CROCC: variants seen among roughly 807,000 people sequenced by gnomAD.
The protein encoded by CROCC is rootletin.
CROCC carries 180 observed loss-of-function variants against 245.2 expected under a neutral mutation model. The observed-to-expected ratio is 0.73, with a 90% CI of 0.65 to 0.83. The LOEUF (loss-of-function observed/expected upper bound fraction) is 0.83, where lower values mean the gene tolerates loss of function less well. CROCC is among the 40% of genes least tolerant of loss of function. The pLI, the probability that CROCC is intolerant of heterozygous loss-of-function variation, is 0.00. For synonymous variants in CROCC, 1,205 were observed against 1,241.6 expected, an observed-to-expected ratio of 0.97 and a Z score of 0.62; for missense variants, 2,688 against 2,779.4, an observed-to-expected ratio of 0.97 and a Z score of 0.74.
In CROCC at chr1:16,961,015, G is replaced by A. The variant is rs983050397; in HGVS notation, c.4290G>A (p.Glu1430=). 3.1e-6 allele frequency: 4 copies of A among 1,303,698 alleles called. No individual in the cohort carries two copies. Among genetic ancestry groups the A allele is most frequent in the African/African-American group, 3.1e-5 (2 of 64,444 alleles). The allele number at this position is 1,303,698 out of a possible 1,614,324, so 80.8% of individuals were successfully genotyped here. The change falls in exon 27 of 37, where the codon GAG becomes GAA. Residue 1430 remains glutamate, a synonymous_variant. Coordinates refer to ENST00000375541, the MANE Select transcript of CROCC (RefSeq NM_014675.5). The part of the protein sequence containing the change: ...ARVEVQRRAA[E]AQLGGLRSAL... ...TGGAGGTGCAGCGGCGCGCGGCGGA[G>A]GCCCAGCTGGGTGGCCTGCGCTCGG... is the stretch of plus-strand genomic sequence containing the variant.
intron 13 of CROCC, among the ~76,000 whole-genome samples, chr1:16,940,379 A>G (rs1400559638): frequency 6.7e-6 from 1 of 148,856 alleles, no homozygotes; most frequent in Non-Finnish European, 1.5e-5. Flanking sequence ...CCCTGCCACC[A>G]TGCCGGGCTA....
At chr1:16,923,691 T>TTG (rs2075462881) in intron 2 of CROCC, among the ~76,000 whole-genome samples, 3 of 150,174 alleles carry the variant, frequency 2.0e-5, no homozygotes, top group East Asian at 3.9e-4. Context: ...TTTTTTTTTT[T>TTG]TTTTTTTGAG....
chr1:16,962,544 A>AC (rs1200779770), intron 27 of CROCC, among the ~76,000 whole-genome samples: 2 of 141,242 alleles, frequency 1.4e-5, no homozygotes, highest in African/African-American at 5.3e-5. Flanking sequence ...CAAAAAAAAA[A>AC]AAAAAAAAAA....
At position 16,930,566 on chromosome 1, in the gene CROCC, G is replaced by T. The variant is rs148225787; in HGVS notation, c.821G>T (p.Arg274Leu). ...CGCTGCCGCAAGGAGCTGGAGCACC[G>T]GGAGGCGGCGTGGAGGCGCGAGGAG... Reference protein sequence around the residue: ...WTRCRKELEHREAAWRREEES... With the variant: ...WTRCRKELEHLEAAWRREEES... The change falls in exon 7 of 37, where the codon CGG becomes CTG. Residue 274 changes from arginine to leucine, a missense_variant. Arg to Leu is a moderately radical substitution (Grantham distance 102). Transcript: ENST00000375541. 2,403 of 1,611,460 alleles carry T rather than the reference G, an allele frequency of 1.5e-3. No homozygotes were observed. The highest frequency in any genetic ancestry group is 1.4e-3 in the Non-Finnish European group (1,691 of 1,179,276).
chr1:16,931,852 G>A (rs2100372673), intron 8 of CROCC, among the ~76,000 whole-genome samples: 1 of 152,352 alleles, frequency 6.6e-6, no homozygotes, highest in Non-Finnish European at 1.5e-5. Context: ...CACCTCCTGG[G>A]TTCAAGCAAT....
In CROCC at chr1:16,922,816, T is replaced by C. The variant is rs2075439595; in HGVS notation, c.196+18T>C. On this transcript the variant is annotated intron_variant, in intron 2 of 36. Transcript: ENST00000375541. ...GAGCCCAGGTGCCACCCCCATCCGC[T>C]CCCCTCCACAAACACCACCCACATT... 6.2e-7 allele frequency: 1 copy of C among 1,606,354 alleles called. No homozygotes were observed. The highest frequency in any genetic ancestry group is 8.5e-7 in the Non-Finnish European group (1 of 1,177,056).
chr1:16,919,608 C>G (rs1262553078), upstream of CROCC, among the ~76,000 whole-genome samples: 2 of 152,286 alleles, frequency 1.3e-5, no homozygotes, highest in Non-Finnish European at 2.9e-5. Flanking sequence ...CTCGAGTGAG[C>G]AATTCCTGTC....
intron 10 of CROCC, 146 bp from the exon 11 acceptor site, chr1:16,938,254 C>A (rs373160557): frequency 2.8e-6 from 2 of 702,776 alleles, no homozygotes; most frequent in African/African-American, 3.5e-5. Context: ...GGGCCTCGGG[C>A]CTGCTGTGGG....
At position 16,924,494 on chromosome 1, in the gene CROCC, G is replaced by C; in HGVS notation, c.351+15G>C. 2 of 1,608,282 alleles carry C rather than the reference G, an allele frequency of 1.2e-6. No homozygotes were observed. Among genetic ancestry groups the C allele is most frequent in the Non-Finnish European group, 1.7e-6 (2 of 1,175,810 alleles). ...TCAGCGAGAGGGTGGGTGCCGCCCA[G>C]GTGGTGGACTAGGCCAGGGTTCCCC... is the stretch of plus-strand genomic sequence containing the variant. On this transcript the variant is annotated intron_variant, in intron 3 of 36. Transcript: ENST00000375541.
chr1:16,921,516 G>T (rs1256716182), upstream of CROCC, among the ~76,000 whole-genome samples: 1 of 152,280 alleles, frequency 6.6e-6, no homozygotes, highest in Non-Finnish European at 1.5e-5. Context: ...CTCCCAGCAT[G>T]CTGTAAATCC....
chr1:16,968,730 T>A (rs2076461602), intron 31 of CROCC, among the ~76,000 whole-genome samples: 1 of 152,248 alleles, frequency 6.6e-6, no homozygotes, highest in African/African-American at 2.4e-5. Flanking sequence ...AGCTCAGCTC[T>A]AACTGGAATG....
At chr1:16,945,880 G>T (rs1450182157) in intron 15 of CROCC, among the ~76,000 whole-genome samples, 1 of 152,286 alleles carries the variant, frequency 6.6e-6, no homozygotes, top group Non-Finnish European at 1.5e-5. Context: ...GGGTCATCCA[G>T]TGCCTGAGAC....
intron 25 of CROCC, among the ~76,000 whole-genome samples, chr1:16,958,322 G>A (rs2076279122): frequency 6.6e-6 from 1 of 152,352 alleles, no homozygotes; most frequent in South Asian, 2.1e-4. Flanking sequence ...TCTGCTAAGG[G>A]CTGAGCCCTC....
Position 16,930,179 on chromosome 1 carries a change from C to G in CROCC, c.593C>G (p.Ser198Cys). 3 of 1,593,094 alleles carry G rather than the reference C, an allele frequency of 1.9e-6. No individual in the cohort carries two copies. The highest frequency in any genetic ancestry group is 2.3e-5 in the South Asian group (2 of 87,834). The change falls in exon 5 of 37, where the codon TCC (serine) becomes TGC (cysteine). Residue 198 changes from serine to cysteine, a missense_variant. Coordinates refer to ENST00000375541, the MANE Select transcript of CROCC (RefSeq NM_014675.5). ...CTGGAGCAGCAGCTGCTGGAGAGAT[C>G]CGGAGAGCTGGAGCAGCAGCGGCTG... Reference protein sequence around the residue: ...SELEQQLLERSGELEQQRLRD... With the variant: ...SELEQQLLERCGELEQQRLRD...
At chr1:16,949,980 G>A (rs901365669) in intron 19 of CROCC, among the ~76,000 whole-genome samples, 3 of 151,842 alleles carry the variant, frequency 2.0e-5, no homozygotes, top group Non-Finnish European at 4.4e-5. Flanking sequence ...TGTTGGTCAA[G>A]CTGGTCTCGA....
chr1:16,960,341 C>T (rs56077287), intron 26 of CROCC, among the ~76,000 whole-genome samples: 25,015 of 152,116 alleles, frequency 0.16, 2,314 homozygotes, highest in African/African-American at 0.23. Flanking sequence ...GGCTTTGAAT[C>T]CCAGCTCTGC....
At chr1:16,940,437 G>A (rs1335146970) in intron 13 of CROCC, among the ~76,000 whole-genome samples, 1 of 151,880 alleles carries the variant, frequency 6.6e-6, no homozygotes, top group Non-Finnish European at 1.5e-5. Context: ...GGCCCAGGCT[G>A]GAGTGCAGTG....
At chr1:16,946,062 G>C (rs936114128) in intron 15 of CROCC, among the ~76,000 whole-genome samples, 197 bp from the exon 16 acceptor site, 2 of 152,282 alleles carry the variant, frequency 1.3e-5, no homozygotes, top group Non-Finnish European at 1.5e-5. Flanking sequence ...GCACAGCTCT[G>C]TGGTGTGTGG....
chr1:16,968,489 A>G, intron 31 of CROCC, 71 bp downstream of exon 31: 1 of 1,395,002 alleles, frequency 7.2e-7, no homozygotes, highest in South Asian at 1.5e-5. Context: ...GGCACTACGC[A>G]GTCCCCCAAC....
Sources: gnomAD v4.1 joint callset for allele counts (sites outside exome capture counted in the v4.1 genomes callset) on GRCh38, gnomAD v4.1.1 for gene constraint, MANE v1.5 for transcripts, NCBI Gene and HGNC (gene_info 2026-07-23, HGNC 2026-07-21) for gene names.